The following CLTCL1 variants were observed in gnomAD, a reference collection of about 807,000 sequenced individuals.
The protein encoded by CLTCL1 is clathrin heavy chain 2.
A neutral mutation model predicts 190.0 loss-of-function variants in CLTCL1; 159 were observed. The observed-to-expected ratio is 0.84, with a 90% CI of 0.74 to 0.95. The LOEUF is 0.95. Among genes scored for constraint, CLTCL1 ranks in the 40% least tolerant of loss-of-function variants. The pLI is 0.00. For missense variants in CLTCL1, 1,878 were observed against 2,033.4 expected, an observed-to-expected ratio of 0.92 and a Z score of 1.47; for synonymous variants, 752 against 769.6, an observed-to-expected ratio of 0.98 and a Z score of 0.38.
At chr22:19,195,328 T>C (rs189704447) in intron 26 of CLTCL1, among the ~76,000 whole-genome samples, 1 of 152,258 alleles carries the variant, frequency 6.6e-6, no homozygotes, top group East Asian at 1.9e-4. Flanking sequence ...CCCAGTAACA[T>C]GGATGTCCTC....
chr22:19,279,308 G>A (rs1268908901), intron 1 of CLTCL1, among the ~76,000 whole-genome samples: 1 of 150,564 alleles, frequency 6.6e-6, no homozygotes, highest in Non-Finnish European at 1.5e-5. Flanking sequence ...GCTGATTTTT[G>A]TAATTTTTAG....
intron 6 of CLTCL1, 119 bp downstream of exon 6, chr22:19,235,577 T>G: frequency 1.1e-6 from 1 of 939,164 alleles, no homozygotes; most frequent in South Asian, 1.6e-5. Flanking sequence ...TGGGTTTAAG[T>G]TTAATAACAG....
rs1555952476 is a variant in CLTCL1, at chr22:19,221,630, G to A, written c.2562-19C>T. 2 of 1,553,862 alleles carry A rather than the reference G, an allele frequency of 1.3e-6. No homozygotes were observed. Among genetic ancestry groups the A allele is most frequent in the East Asian group, 2.4e-5 (1 of 41,886 alleles). On this transcript the variant is annotated intron_variant, in intron 16 of 32. Coordinates refer to ENST00000427926, the MANE Select transcript of CLTCL1 (RefSeq NM_007098.4). ...CTTGAGCCTTTGAAAGAAGGAAGGT[G>A]CTGTAAAGTCTCAAGGCTACCACTG...
chr22:19,275,977 A>G, intron 1 of CLTCL1, 147 bp from the exon 2 acceptor site: 1 of 692,924 alleles, frequency 1.4e-6, no homozygotes, highest in Non-Finnish European at 2.4e-6. Flanking sequence ...TTGCTTTTCT[A>G]CGCCTGTAAT....
At chr22:19,244,459 G>C (rs2086355755) in intron 3 of CLTCL1, among the ~76,000 whole-genome samples, 1 of 152,188 alleles carries the variant, frequency 6.6e-6, no homozygotes, top group Non-Finnish European at 1.5e-5. Flanking sequence ...GAGTAAACCA[G>C]CAGATAAGTG....
chr22:19,234,326 G>C (rs1318035961), intron 7 of CLTCL1, among the ~76,000 whole-genome samples, 183 bp downstream of exon 7: 1 of 152,218 alleles, frequency 6.6e-6, no homozygotes, highest in Admixed American at 6.5e-5. Flanking sequence ...GATGCAGCAA[G>C]AGTGTGTTTT....
chr22:19,180,540 G>C (rs1555925366), intron 31 of CLTCL1, among the ~76,000 whole-genome samples, 191 bp downstream of exon 31: 1 of 152,188 alleles, frequency 6.6e-6, no homozygotes, highest in Non-Finnish European at 1.5e-5. Context: ...CATCCTTACA[G>C]CAGGGAGGAC....
chr22:19,253,855 C>A (rs185454199), intron 3 of CLTCL1, 104 bp downstream of exon 3: 1 of 1,360,042 alleles, frequency 7.4e-7, no homozygotes, highest in Non-Finnish European at 1.0e-6. Flanking sequence ...CATGAGCCAC[C>A]GCACCTGGCC....
intron 2 of CLTCL1, among the ~76,000 whole-genome samples, chr22:19,264,570 G>T (rs1555977028): frequency 1.3e-5 from 2 of 152,140 alleles, no homozygotes; most frequent in Admixed American, 1.3e-4. Context: ...TAGAAAAAAA[G>T]AGTTAATCTG....
intron 19 of CLTCL1, among the ~76,000 whole-genome samples, chr22:19,215,558 C>G (rs797034942): frequency 1.3e-5 from 2 of 152,252 alleles, no homozygotes; most frequent in Middle Eastern, 3.4e-3. Context: ...CACCTCTATA[C>G]TGCCGGTCCG....
At chr22:19,218,455 T>C (rs2085461529) in intron 18 of CLTCL1, among the ~76,000 whole-genome samples, 1 of 152,098 alleles carries the variant, frequency 6.6e-6, no homozygotes, top group African/African-American at 2.4e-5. Context: ...TTTAAAAAAG[T>C]AGTGGCACAG....
intron 20 of CLTCL1, among the ~76,000 whole-genome samples, chr22:19,210,046 C>T (rs1041685595): frequency 6.6e-6 from 1 of 151,930 alleles, no homozygotes; most frequent in Admixed American, 6.5e-5. Flanking sequence ...CTGGGCTGAC[C>T]GATGACATTG....
chr22:19,221,406 G>A lies in CLTCL1; in HGVS notation c.2767C>T (p.Arg923Trp), dbSNP rs979711286. The A allele has an allele frequency of 5.8e-6, 9 of 1,555,526 alleles. No individual in the cohort carries two copies. The Admixed American group carries it at 5.8e-5, about 10-fold the overall frequency. Residue 923 changes from arginine to tryptophan, a missense_variant, in exon 17 of 33, where the codon CGG becomes TGG. Transcript: ENST00000427926. ...DPHLACVAYERGQCDLELIKV... is the reference protein window; with the variant it reads ...DPHLACVAYEWGQCDLELIKV... ...ATGAGCTCAAGGTCACACTGCCCCCGCTCATAGGCAACACAGGCCAGATGG... is the reference window on the plus strand; with the variant it reads ...ATGAGCTCAAGGTCACACTGCCCCCACTCATAGGCAACACAGGCCAGATGG...
chr22:19,241,436 C>T (rs192499629), intron 4 of CLTCL1, among the ~76,000 whole-genome samples: 2 of 152,214 alleles, frequency 1.3e-5, no homozygotes, highest in African/African-American at 4.8e-5. Context: ...AAGGCTGACA[C>T]GTGACCCGAG....
At chr22:19,284,529 G>A (rs1297631876) in intron 1 of CLTCL1, among the ~76,000 whole-genome samples, 1 of 151,766 alleles carries the variant, frequency 6.6e-6, no homozygotes, top group South Asian at 2.1e-4. Context: ...GTGTGGTGGC[G>A]GGCACCTATA....
intron 2 of CLTCL1, among the ~76,000 whole-genome samples, chr22:19,259,136 G>C (rs538773372): frequency 6.6e-6 from 1 of 152,150 alleles, no homozygotes; most frequent in East Asian, 1.9e-4. Flanking sequence ...ACAGCGTTTC[G>C]CTCTTGTTGC....
chr22:19,269,314 C>A (rs930036932), intron 2 of CLTCL1, among the ~76,000 whole-genome samples: 4 of 151,832 alleles, frequency 2.6e-5, no homozygotes, highest in African/African-American at 9.7e-5. Flanking sequence ...GCAGGAGAAT[C>A]ACTTGAACCT....
At chr22:19,182,679 G>T in intron 30 of CLTCL1, 1 of 152,218 alleles carries the variant, frequency 6.6e-6, no homozygotes, top group East Asian at 1.9e-4. Context: ...TTCAGCATGA[G>T]TGCCTTCCGA....
At chr22:19,188,403 T>C (rs1601442005) in intron 27 of CLTCL1, among the ~76,000 whole-genome samples, 1 of 152,108 alleles carries the variant, frequency 6.6e-6, no homozygotes, top group Non-Finnish European at 1.5e-5. Flanking sequence ...CACTATGTTG[T>C]AGCCTAAGTG....
Sources: gnomAD v4.1 joint callset for allele counts (sites outside exome capture counted in the v4.1 genomes callset) on GRCh38, gnomAD v4.1.1 for gene constraint, MANE v1.5 for transcripts, NCBI Gene and HGNC (gene_info 2026-07-23, HGNC 2026-07-21) for gene names.